Variants in AP1B1 observed in about 807,000 individuals in gnomAD.
AP1B1 encodes AP-1 complex subunit beta-1.
In AP1B1, 36 loss-of-function variants were observed where a neutral mutation model predicts 104.3. The observed-to-expected ratio is 0.35, with a 90% CI of 0.26 to 0.46. The LOEUF (loss-of-function observed/expected upper bound fraction) is 0.46, where lower values mean the gene tolerates loss of function less well. Ranked by LOEUF, AP1B1 falls within the 20% of genes least tolerant of loss-of-function variation. The probability of loss-of-function intolerance (pLI) is 1.00; values close to 1 mark genes in which losing one functional copy is unlikely to be tolerated. For synonymous variants in AP1B1, 504 were observed against 517.5 expected, an observed-to-expected ratio of 0.97 and a Z score of 0.35; for missense variants, 901 against 1,247.9, an observed-to-expected ratio of 0.72 and a Z score of 4.19.
intron 10 of AP1B1, 101 bp downstream of exon 10, chr22:29,349,934 C>A: frequency 2.1e-6 from 2 of 940,978 alleles, no homozygotes; most frequent in East Asian, 2.4e-5. Flanking sequence ...CGCTTGTGGC[C>A]AAGAAGTAAG....
At chr22:29,354,366 T>C (rs1569158754) in intron 7 of AP1B1, among the ~76,000 whole-genome samples, 1 of 152,170 alleles carries the variant, frequency 6.6e-6, no homozygotes, top group African/African-American at 2.4e-5. Context: ...ACAGTTACTG[T>C]GAGGGGCTAT....
At chr22:29,370,807 G>A (rs1406610043) in intron 1 of AP1B1, 2 of 152,146 alleles carry the variant, frequency 1.3e-5, no homozygotes, top group African/African-American at 2.4e-5. Flanking sequence ...CCCCAACAGC[G>A]CTGAGCTTTC....
Position 29,329,253 on chromosome 22 carries a change from C to G in AP1B1, c.2776-358G>C, listed in dbSNP as rs1025437756. 13 of 1,155,890 alleles carry G rather than the reference C, an allele frequency of 1.1e-5. No homozygotes were observed. In the East Asian group the frequency reaches 4.3e-4, roughly 38 times the overall value. 71.6% of individuals were successfully genotyped at this position (1,155,890 alleles called of 1,614,324 possible). A position where few individuals can be genotyped will look rare whatever the true frequency, so the allele number is the denominator to read the frequency against. On this transcript the variant is annotated intron_variant, in intron 22 of 22. Coordinates refer to ENST00000357586, the MANE Select transcript of AP1B1 (RefSeq NM_001127.4). ...AGGTCTGGGGTCCTCAGGACTGAAG[C>G]CTGACAGAAAATCCCGAGGGGGTGC...
At chr22:29,351,502 GGT>G in intron 8 of AP1B1, 1 of 848,152 alleles carries the variant, frequency 1.2e-6, no homozygotes, top group Non-Finnish European at 1.8e-6. Context: ...AGGGATGACA[GGT>G]GATAACATGG....
chr22:29,335,542 A>G (rs997224013), intron 16 of AP1B1, among the ~76,000 whole-genome samples: 5 of 152,042 alleles, frequency 3.3e-5, no homozygotes, highest in Non-Finnish European at 7.4e-5. Flanking sequence ...CTGCCACCAG[A>G]TTTCCCAGGT....
chr22:29,344,380 G>A (rs1474021269), intron 11 of AP1B1, among the ~76,000 whole-genome samples: 4 of 152,026 alleles, frequency 2.6e-5, no homozygotes, highest in African/African-American at 9.7e-5. Flanking sequence ...CTCTCAACAC[G>A]CTCAACACAC....
intron 10 of AP1B1, among the ~76,000 whole-genome samples, 157 bp from the exon 11 acceptor site, chr22:29,349,540 G>C (rs550300218): frequency 6.6e-6 from 1 of 151,654 alleles, no homozygotes; most frequent in South Asian, 2.1e-4. Context: ...TTGAGATGGA[G>C]TTTCACTCTG....
chr22:29,364,324 T>C (rs536187033), intron 2 of AP1B1, among the ~76,000 whole-genome samples: 2 of 152,264 alleles, frequency 1.3e-5, no homozygotes, highest in East Asian at 1.9e-4. Flanking sequence ...AAAAAACAAA[T>C]GAGGAAGCAG....
At chr22:29,360,197 T>C (rs1044546258) in intron 3 of AP1B1, among the ~76,000 whole-genome samples, 1 of 152,184 alleles carries the variant, frequency 6.6e-6, no homozygotes, top group Non-Finnish European at 1.5e-5. Context: ...TTTCATATAG[T>C]TCAAACATGA....
intron 2 of AP1B1, among the ~76,000 whole-genome samples, 156 bp downstream of exon 2, chr22:29,367,051 A>C (rs1356668541): frequency 1.3e-5 from 2 of 152,040 alleles, no homozygotes; most frequent in African/African-American, 2.4e-5. Flanking sequence ...TATCATCAAC[A>C]GTTCAATTTT....
At position 29,358,759 on chromosome 22, in the gene AP1B1, G is replaced by T. The variant is rs548719725; in HGVS notation, c.492C>A (p.Thr164=). 6.2e-7 allele frequency: 1 copy of T among 1,614,194 alleles called. No individual in the cohort carries two copies. The change falls in exon 5 of 23, where the codon ACC becomes ACA. Residue 164 remains threonine, a synonymous_variant. Transcript: ENST00000357586. ...QLVEDQGFLD[T]LKDLISDSNP... ...TAGAGTCGGAGATGAGGTCTTTAAG[G>T]GTGTCCAGGAAGCCCTGGTCCTCCA... is the stretch of plus-strand genomic sequence containing the variant.
rs766823526 is a variant in AP1B1, at chr22:29,359,825, T to C, written c.278A>G (p.Lys93Arg). ...MAIMAVNTFV[K>R]DCEDPNPLIR... is the part of the protein sequence containing the mutation. ...CACGCCCACCAAGCGTCTGCTCACCTTCACAAAGGTGTTGACGGCCATAAT... is the reference window on the plus strand; with the variant it reads ...CACGCCCACCAAGCGTCTGCTCACCCTCACAAAGGTGTTGACGGCCATAAT... Residue 93 changes from lysine (K) to arginine (R), a missense_variant and splice_region_variant, in exon 4 of 23, where the codon AAG (lysine) becomes AGG (arginine). This residue lies in a region of AP1B1 where 471 missense variants were observed against 696.7 expected (regional missense o/e 0.68). Transcript: ENST00000357586. The C allele has an allele frequency of 2.5e-6, 4 of 1,612,748 alleles. No individual in the cohort carries two copies. The Admixed American group carries it at 6.7e-5, about 27-fold the overall frequency.
At chr22:29,339,232 G>C (rs573417227) in intron 15 of AP1B1, 99 bp from the exon 16 acceptor site, 2 of 1,366,150 alleles carry the variant, frequency 1.5e-6, no homozygotes, top group African/African-American at 2.9e-5. Flanking sequence ...AAGACACTGG[G>C]GGCAGGGGGC....
At chr22:29,340,921 G>A (rs531345050) in intron 13 of AP1B1, 64 bp from the exon 14 acceptor site, 13 of 1,494,316 alleles carry the variant, frequency 8.7e-6, no homozygotes, top group African/African-American at 2.8e-5. Flanking sequence ...AGAGACCCCA[G>A]CCTCCAGGCA....
intron 1 of AP1B1, among the ~76,000 whole-genome samples, chr22:29,368,647 A>G (rs1410892227): frequency 6.6e-6 from 1 of 152,158 alleles, no homozygotes. Flanking sequence ...CTGGGCTGGG[A>G]GACCATCTCA....
chr22:29,334,941 G>A (rs1281866373), intron 16 of AP1B1, among the ~76,000 whole-genome samples: 1 of 152,182 alleles, frequency 6.6e-6, no homozygotes, highest in Non-Finnish European at 1.5e-5. Flanking sequence ...CCCCTCGCCT[G>A]GCAGGCCTTC....
intron 3 of AP1B1, 63 bp downstream of exon 3, chr22:29,362,938 C>G (rs1459578510): frequency 9.6e-7 from 1 of 1,040,856 alleles, no homozygotes; most frequent in Non-Finnish European, 1.5e-6. Context: ...TGAAGTGGAC[C>G]CAAGCTATAA....
intron 3 of AP1B1, among the ~76,000 whole-genome samples, chr22:29,362,209 G>A (rs1311084173): frequency 1.3e-5 from 2 of 152,242 alleles, no homozygotes; most frequent in African/African-American, 4.8e-5. Flanking sequence ...CATCAGGTGC[G>A]ACAGAGGCTG....
intron 22 of AP1B1, 58 bp downstream of exon 22, chr22:29,329,654 C>T: frequency 3.1e-6 from 5 of 1,610,540 alleles, no homozygotes; most frequent in Non-Finnish European, 4.2e-6. Context: ...GCATGGGGGC[C>T]ATGACAGGAG....
Sources: allele counts gnomAD v4.1 joint callset (sites outside exome capture counted in the v4.1 genomes callset), GRCh38; gene constraint gnomAD v4.1.1; regional missense constraint gnomAD v4.1.1; transcripts MANE v1.5; gene names NCBI Gene and HGNC (gene_info 2026-07-23, HGNC 2026-07-21).